MBP: variants seen among roughly 807,000 people sequenced by gnomAD.
The protein encoded by MBP is Golli-MBP.
MBP carries 16 observed loss-of-function variants against 35.8 expected under a neutral mutation model. The ratio of observed to expected loss-of-function variants is 0.45; its 90% CI spans 0.30 to 0.68. MBP has a LOEUF of 0.68. Ranked by LOEUF, MBP falls within the 30% of genes least tolerant of loss-of-function variation. MBP has a pLI of 0.08. For missense variants in MBP, 380 were observed against 404.7 expected, an observed-to-expected ratio of 0.94 and a Z score of 0.52; for synonymous variants, 143 against 159.6, an observed-to-expected ratio of 0.90 and a Z score of 0.78.
chr18:77,000,767 C>T (rs939777719), intron 4 of MBP, among the ~76,000 whole-genome samples: 2 of 152,010 alleles, frequency 1.3e-5, no homozygotes, highest in African/African-American at 2.4e-5. Context: ...GTTTTAAGGC[C>T]TGGGGAGCTG....
At chr18:77,083,377 C>G (rs1332330705) in intron 2 of MBP, among the ~76,000 whole-genome samples, 1 of 152,078 alleles carries the variant, frequency 6.6e-6, no homozygotes, top group African/African-American at 2.4e-5. Context: ...TTTTCTTTGA[C>G]CTTTTCTTTC....
chr18:76,989,862 C>G lies in MBP; in HGVS notation c.681+94G>C, dbSNP rs1969792228. On this transcript the variant is annotated intron_variant, in intron 5 of 8. Transcript: ENST00000355994. This position sits in a 1 kb window ranked among gnomAD's most constrained non-coding sequence, Gnocchi z 4.0. ...CCTGATGATGACCCCGGTGCCACCC[C>G]CGAGCGTACGAACGTCCTGTGTGGA... The G allele has an allele frequency of 9.0e-7, 1 of 1,107,774 alleles. No homozygotes were observed. Among genetic ancestry groups the G allele is most frequent in the East Asian group, 2.4e-5 (1 of 41,314 alleles). The allele number at this position is 1,107,774 out of a possible 1,614,324, so 68.6% of individuals were successfully genotyped here. A position where few individuals can be genotyped will look rare whatever the true frequency, so the allele number is the denominator to read the frequency against.
chr18:77,069,542 T>C (rs754652016), intron 2 of MBP, among the ~76,000 whole-genome samples: 51 of 151,974 alleles, frequency 3.4e-4, no homozygotes, highest in Admixed American at 2.1e-3. Flanking sequence ...TGTCCTCCCA[T>C]TGGCGTGGGA....
chr18:76,986,946 C>T (rs1969591741), intron 7 of MBP: 1 of 985,378 alleles, frequency 1.0e-6, no homozygotes, highest in Non-Finnish European at 1.2e-6. Flanking sequence ...AAAGTGGGGG[C>T]TCTCTGGAAC....
At chr18:77,049,070 C>T (rs916016174) in intron 3 of MBP, among the ~76,000 whole-genome samples, 19 of 152,034 alleles carry the variant, frequency 1.2e-4, no homozygotes, top group Non-Finnish European at 2.6e-4. Flanking sequence ...CAGGCACCTG[C>T]CACCACGCCC....
intron 2 of MBP, among the ~76,000 whole-genome samples, chr18:77,093,918 G>C (rs1329056160): frequency 6.6e-6 from 1 of 151,974 alleles, no homozygotes; most frequent in East Asian, 1.9e-4. Context: ...CTCCATTTGG[G>C]GTTTTTCTTA....
At chr18:77,054,476 A>G (rs1196878089) in intron 3 of MBP, among the ~76,000 whole-genome samples, 1 of 152,196 alleles carries the variant, frequency 6.6e-6, no homozygotes, top group Non-Finnish European at 1.5e-5. Flanking sequence ...GGATTTGAGC[A>G]GGGAGCGAGG....
intron 2 of MBP, among the ~76,000 whole-genome samples, chr18:77,073,301 T>C (rs1974522093): frequency 6.6e-6 from 1 of 152,242 alleles, no homozygotes; most frequent in African/African-American, 2.4e-5. Flanking sequence ...ACTAGGCTCA[T>C]GTTAAGAACA....
intron 3 of MBP, among the ~76,000 whole-genome samples, chr18:77,023,950 T>C (rs1972095512): frequency 6.6e-6 from 1 of 152,224 alleles, no homozygotes; most frequent in Non-Finnish European, 1.5e-5. Flanking sequence ...GTGTGGGGCC[T>C]CCACAGATGT....
intron 2 of MBP, chr18:77,097,450 G>C (rs1975806039): frequency 6.6e-6 from 1 of 152,240 alleles, no homozygotes; most frequent in African/African-American, 2.4e-5. Flanking sequence ...CTTTTCCGCA[G>C]GATGTTGCTG....
chr18:77,124,254 A>G (rs533195279), intron 1 of MBP, among the ~76,000 whole-genome samples: 99 of 152,268 alleles, frequency 6.5e-4, no homozygotes, highest in African/African-American at 2.3e-3. Flanking sequence ...TATACATTGT[A>G]TATGTGGTCT....
chr18:77,025,795 T>A (rs867165819), intron 3 of MBP, among the ~76,000 whole-genome samples: 11 of 143,696 alleles, frequency 7.7e-5, no homozygotes, highest in African/African-American at 1.8e-4. Flanking sequence ...GTAACTTCCA[T>A]CAAAACCAGC....
At chr18:77,036,489 C>T (rs1354903918) in intron 3 of MBP, among the ~76,000 whole-genome samples, 3 of 110,280 alleles carry the variant, frequency 2.7e-5, no homozygotes, top group Admixed American at 9.4e-5. Flanking sequence ...CTGAGCTGAG[C>T]AAGTGCTGGT....
intron 3 of MBP, among the ~76,000 whole-genome samples, chr18:77,054,683 T>C (rs113138775): frequency 0.055 from 8,424 of 152,230 alleles, 728 homozygotes; most frequent in African/African-American, 0.19. Context: ...GAAATAGTGC[T>C]CCTCATTTTG....
chr18:77,062,853 G>A (rs938078883), intron 3 of MBP, among the ~76,000 whole-genome samples: 1 of 152,176 alleles, frequency 6.6e-6, no homozygotes, highest in African/African-American at 2.4e-5. Flanking sequence ...ATTGCCTTTC[G>A]ACGTTCACAG....
At chr18:77,016,601 A>T in intron 4 of MBP, 1 of 1,397,740 alleles carries the variant, frequency 7.2e-7, no homozygotes, top group Non-Finnish European at 9.3e-7. Context: ...CCTGAGCCAC[A>T]CCCCGGCCAC....
chr18:76,986,968 A>G (rs1274631646), intron 7 of MBP: 34 of 985,476 alleles, frequency 3.5e-5, no homozygotes, highest in Non-Finnish European at 4.0e-5. Flanking sequence ...CCAGACAAGG[A>G]GAGAGTCCTG....
intron 2 of MBP, among the ~76,000 whole-genome samples, chr18:77,084,507 C>T (rs111697695): frequency 2.4e-4 from 36 of 150,914 alleles, no homozygotes; most frequent in Admixed American, 7.9e-4. Flanking sequence ...ACTGCCTGTC[C>T]GGCCTCCAGC....
intron 4 of MBP, chr18:77,015,287 A>T: frequency 6.1e-6 from 6 of 985,380 alleles, no homozygotes; most frequent in Non-Finnish European, 7.2e-6. Flanking sequence ...TGTACCTTGA[A>T]GTAAGCAGAA....
Sources: gnomAD v4.1 joint callset for allele counts (sites outside exome capture counted in the v4.1 genomes callset) on GRCh38, gnomAD v4.1.1 for gene constraint, Gnocchi (gnomAD v3.1) non-coding constraint, MANE v1.5 for transcripts, NCBI Gene and HGNC (gene_info 2026-07-23, HGNC 2026-07-21) for gene names.